Variants in SLC33A1 observed in about 807,000 individuals in gnomAD.
SLC33A1 encodes the protein solute carrier family 33 member 1.
Under a neutral mutation model 50.0 loss-of-function variants are expected in SLC33A1, and 20 were observed. The ratio of observed to expected loss-of-function variants is 0.40; its 90% CI spans 0.28 to 0.58. The LOEUF is 0.58. SLC33A1 is among the 20% of genes least tolerant of loss of function. SLC33A1 has a pLI of 0.44. For synonymous variants in SLC33A1, 265 were observed against 251.8 expected (o/e 1.05, Z -0.50); for missense variants, 476 against 657.0 (o/e 0.72, Z 3.01).
Position 155,829,758 on chromosome 3 carries a change from A to G in SLC33A1, c.1412T>C (p.Val471Ala), listed in dbSNP as rs1752335585. 5 of 1,614,126 alleles carry G rather than the reference A, an allele frequency of 3.1e-6. No individual in the cohort carries two copies. In the South Asian group the frequency reaches 4.4e-5, roughly 14 times the overall value. Reference sequence around the variant, plus strand: ...ACACTCTTTTACTGTGAGGGGATCTACAAGCCAAAGAGCTACTGTAGAAGG... The same window carrying G: ...ACACTCTTTTACTGTGAGGGGATCTGCAAGCCAAAGAGCTACTGTAGAAGG... The part of the protein sequence containing the change: ...NWPSTVALWL[V>A]DPLTVKECVG... Residue 471 changes from valine to alanine, a missense_variant, in exon 5 of 6, where the codon GTA becomes GCA. Val to Ala is a moderately conservative substitution (Grantham distance 64, BLOSUM62 0). Coordinates refer to ENST00000643144, the MANE Select transcript of SLC33A1 (RefSeq NM_004733.4).
intron 2 of SLC33A1, among the ~76,000 whole-genome samples, chr3:155,839,100 T>C (rs921976022): frequency 1.2e-4 from 18 of 151,484 alleles, no homozygotes; most frequent in African/African-American, 4.4e-4. Context: ...ACCAGCCTGA[T>C]CAACATGGAG....
Position 155,828,239 on chromosome 3 carries a change from A to G in SLC33A1, c.1621T>C (p.Ser541Pro), listed in dbSNP as rs1289592175. ...KFKKLQDEGS[S>P]SWKCKRNN ...TTGTTCCTTTTGCATTTCCACGAAGATGATCCTTCATCCTGTAACTTTTTA... is the reference window on the plus strand; with the variant it reads ...TTGTTCCTTTTGCATTTCCACGAAGGTGATCCTTCATCCTGTAACTTTTTA... Residue 541 changes from serine to proline, a missense_variant, in exon 6 of 6, where the codon TCT becomes CCT. Transcript: ENST00000643144. 5 of 1,613,160 alleles carry G rather than the reference A, an allele frequency of 3.1e-6. No individual in the cohort carries two copies. The highest frequency in any genetic ancestry group is 1.3e-5 in the African/African-American group (1 of 74,912).
At chr3:155,833,609 T>TTACACAAAATTA (rs1560013622) in intron 3 of SLC33A1, 24 bp from the exon 4 acceptor site, 1 of 1,339,140 alleles carries the variant, frequency 7.5e-7, no homozygotes, top group Non-Finnish European at 1.1e-6. Flanking sequence ...AACATTGAGT[T>TTACACAAAATTA]GACTTCCATT....
At chr3:155,831,704 G>A (rs1009290610) in intron 4 of SLC33A1, among the ~76,000 whole-genome samples, 2 of 151,916 alleles carry the variant, frequency 1.3e-5, no homozygotes, top group African/African-American at 4.8e-5. Context: ...CTGAAGCATT[G>A]ACTAGTTAAA....
chr3:155,826,405 C>A lies in SLC33A1; in HGVS notation c.*1805G>T, dbSNP rs1269013317. 1 of 150,396 alleles carries A rather than the reference C, an allele frequency of 6.6e-6. No homozygotes were observed. Among genetic ancestry groups the A allele is most frequent in the Non-Finnish European group, 1.5e-5 (1 of 67,652 alleles). 9.3% of individuals were successfully genotyped at this position (150,396 alleles called of 1,614,324 possible). ...CTGTCTCAATTAAAAAAAAAAAAAA[C>A]TATGTTTGAAAGTATATATAATTTG... is the stretch of plus-strand genomic sequence containing the variant. On this transcript the variant is annotated 3_prime_UTR_variant, in exon 6 of 6. Coordinates refer to ENST00000643144, the MANE Select transcript of SLC33A1 (RefSeq NM_004733.4).
intron 1 of SLC33A1, among the ~76,000 whole-genome samples, chr3:155,846,875 A>C (rs1753196668): frequency 6.6e-6 from 1 of 152,134 alleles, no homozygotes; most frequent in Non-Finnish European, 1.5e-5. Context: ...TTCCTAAAGA[A>C]TTCATTTTAT....
Position 155,827,968 on chromosome 3 carries a change from A to T in SLC33A1, c.*242T>A. On this transcript the variant is annotated 3_prime_UTR_variant, in exon 6 of 6. Coordinates refer to ENST00000643144, the MANE Select transcript of SLC33A1 (RefSeq NM_004733.4). ...TTTAAAAGATATACATCAAATAACA[A>T]GGCCAGAAAAGTTGTTTTAGAATTT... is the stretch of plus-strand genomic sequence containing the variant. 1 of 441,914 alleles carries T rather than the reference A, an allele frequency of 2.3e-6. No individual in the cohort carries two copies. The highest frequency in any genetic ancestry group is 2.6e-5 in the South Asian group (1 of 38,030). 27.4% of individuals were successfully genotyped at this position (441,914 alleles called of 1,614,324 possible).
chr3:155,832,691 T>C (rs1178151419), intron 4 of SLC33A1, among the ~76,000 whole-genome samples: 1 of 103,410 alleles, frequency 9.7e-6, no homozygotes, highest in African/African-American at 4.1e-5. Context: ...TAGCCGGGCG[T>C]GGGCAGTGGG....
At chr3:155,836,952 T>G (rs1387456165) in intron 2 of SLC33A1, among the ~76,000 whole-genome samples, 2 of 152,144 alleles carry the variant, frequency 1.3e-5, no homozygotes, top group African/African-American at 4.8e-5. Flanking sequence ...ACTTTGGATA[T>G]TCAAATGGTC....
At chr3:155,830,048 A>G in intron 4 of SLC33A1, 145 bp from the exon 5 acceptor site, 1 of 646,538 alleles carries the variant, frequency 1.5e-6, no homozygotes. Flanking sequence ...TCAAGCACCT[A>G]CTATAGGCCA....
At chr3:155,852,982 C>T (rs989391968) in intron 1 of SLC33A1, 1 of 564,212 alleles carries the variant, frequency 1.8e-6, no homozygotes, top group South Asian at 2.1e-5. Flanking sequence ...TCCCTGGACT[C>T]GGTTGTGTTA....
At chr3:155,834,755 G>A (rs978336767) in intron 2 of SLC33A1, among the ~76,000 whole-genome samples, 2 of 152,116 alleles carry the variant, frequency 1.3e-5, no homozygotes, top group African/African-American at 4.8e-5. Context: ...GACATGATAT[G>A]GCTTTCAGTA....
At position 155,829,710 on chromosome 3, in the gene SLC33A1, C is replaced by A. The variant is rs1306688576; in HGVS notation, c.1460G>T (p.Cys487Phe). 6.2e-7 allele frequency: 1 copy of A among 1,613,668 alleles called. No homozygotes were observed. Among genetic ancestry groups the A allele is most frequent in the Non-Finnish European group, 8.5e-7 (1 of 1,179,688 alleles). ...KECVGASNQN[C>F]RTPDAVELCK... is the part of the protein sequence containing the mutation. ...TACCTCAACAGCATCAGGTGTTCGACAATTCTGGTTTGATGCTCCTACACA... is the reference window on the plus strand; with the variant it reads ...TACCTCAACAGCATCAGGTGTTCGAAAATTCTGGTTTGATGCTCCTACACA... Residue 487 changes from cysteine (C) to phenylalanine (F), a missense_variant, in exon 5 of 6, where the codon TGT (cysteine) becomes TTT (phenylalanine). Coordinates refer to ENST00000643144, the MANE Select transcript of SLC33A1 (RefSeq NM_004733.4).
rs920905806 is a variant in SLC33A1, at chr3:155,824,042, G to A, written c.*4168C>T. On this transcript the variant is annotated 3_prime_UTR_variant, in exon 6 of 6. Transcript: ENST00000643144. The stretch of plus-strand genomic sequence containing the variant: ...AATAGGTATTCAAAATCCTCCCTAA[G>A]AGAAAATAATTGTGCCTCGCTATCT... 1 of 151,990 alleles carries A rather than the reference G, an allele frequency of 6.6e-6. No individual in the cohort carries two copies. The highest frequency in any genetic ancestry group is 2.4e-5 in the African/African-American group (1 of 41,374). The allele number at this position is 151,990 out of a possible 1,614,324, so 9.4% of individuals were successfully genotyped here. A position where few individuals can be genotyped will look rare whatever the true frequency, so the allele number is the denominator to read the frequency against.
chr3:155,841,783 T>C (rs1042741831), intron 2 of SLC33A1, among the ~76,000 whole-genome samples: 3 of 152,130 alleles, frequency 2.0e-5, no homozygotes, highest in African/African-American at 7.2e-5. Context: ...AGTCTCGCTC[T>C]GTCGCTCCAG....
At position 155,821,809 on chromosome 3, in the gene SLC33A1, A is replaced by G. The variant is rs552121704; in HGVS notation, c.*6401T>C. The G allele has an allele frequency of 7.5e-6, 1 of 132,762 alleles. No homozygotes were observed. Among genetic ancestry groups the G allele is most frequent in the East Asian group, 2.2e-4 (1 of 4,526 alleles). The allele number at this position is 132,762 out of a possible 1,614,324, so 8.2% of individuals were successfully genotyped here. Reference sequence around the variant, plus strand: ...TTTAATTGAGACTGAGTCTCACTCTATTGCCCAGGCTGGAGAATAGTAGCA... The same window carrying G: ...TTTAATTGAGACTGAGTCTCACTCTGTTGCCCAGGCTGGAGAATAGTAGCA... On this transcript the variant is annotated 3_prime_UTR_variant, in exon 6 of 6. Transcript: ENST00000643144.
chr3:155,829,610 TAGTA>T (rs1465699058), intron 5 of SLC33A1, 74 bp downstream of exon 5: 2 of 1,021,690 alleles, frequency 2.0e-6, no homozygotes, highest in Non-Finnish European at 1.5e-6. Flanking sequence ...AAAAAAGATA[TAGTA>T]CTTCTAGAGA....
rs1363186100 is a variant in SLC33A1, at chr3:155,824,876, T to TA, written c.*3333dup. On this transcript the variant is annotated 3_prime_UTR_variant, in exon 6 of 6. Transcript: ENST00000643144. ...TTCGATTTCAAAGGTTTAATATTTTTAAAAAATTGAGAAATCTATTTAAGG... is the reference window on the plus strand; with the variant it reads ...TTCGATTTCAAAGGTTTAATATTTTTAAAAAAATTGAGAAATCTATTTAAGG... 2.6e-5 allele frequency: 4 copies of TA among 152,202 alleles called. No homozygotes were observed. The allele number at this position is 152,202 out of a possible 1,614,324, so 9.4% of individuals were successfully genotyped here.
chr3:155,838,812 A>G (rs951504468), intron 2 of SLC33A1, among the ~76,000 whole-genome samples: 1 of 151,906 alleles, frequency 6.6e-6, no homozygotes, highest in African/African-American at 2.4e-5. Flanking sequence ...ACCATGCCAC[A>G]GCACTCCAGT....
Sources: gnomAD v4.1 joint callset for allele counts (sites outside exome capture counted in the v4.1 genomes callset) on GRCh38, gnomAD v4.1.1 for gene constraint, MANE v1.5 for transcripts, NCBI Gene and HGNC (gene_info 2026-07-23, HGNC 2026-07-21) for gene names.